TOX: variants seen among roughly 807,000 people sequenced by gnomAD.
TOX encodes thymocyte selection-associated high mobility group box protein TOX.
A neutral mutation model predicts 53.7 loss-of-function variants in TOX; 11 were observed. The observed-to-expected ratio is 0.20, with a 90% confidence interval of 0.13 to 0.34. TOX has a LOEUF of 0.34. Among genes scored for constraint, TOX ranks in the 10% least tolerant of loss-of-function variants. The probability of loss-of-function intolerance (pLI) is 1.00; values close to 1 mark genes in which losing one functional copy is unlikely to be tolerated. For synonymous variants in TOX, 225 were observed against 245.3 expected, an observed-to-expected ratio of 0.92 and a Z score of 0.77; for missense variants, 570 against 664.6, an observed-to-expected ratio of 0.86 and a Z score of 1.56.
chr8:59,057,482 A>G (rs1216900305), intron 1 of TOX, among the ~76,000 whole-genome samples: 6 of 152,192 alleles, frequency 3.9e-5, no homozygotes, highest in African/African-American at 1.4e-4. Context: ...ATTAGTTCCT[A>G]GTATCTGATT....
intron 3 of TOX, among the ~76,000 whole-genome samples, chr8:58,881,080 G>A (rs1006327829): frequency 2.0e-5 from 3 of 151,884 alleles, no homozygotes; most frequent in Admixed American, 6.6e-5. Context: ...GGGGGTGAGC[G>A]GGATTGAGCT....
At chr8:58,946,441 T>G (rs1200758020) in intron 2 of TOX, among the ~76,000 whole-genome samples, 1 of 152,156 alleles carries the variant, frequency 6.6e-6, no homozygotes, top group African/African-American at 2.4e-5. Context: ...TGAACAAGGG[T>G]TGATAGCTTG....
chr8:58,909,449 A>G (rs1238602457), intron 3 of TOX, among the ~76,000 whole-genome samples: 1 of 152,202 alleles, frequency 6.6e-6, no homozygotes, highest in Non-Finnish European at 1.5e-5. Flanking sequence ...CATTTAAACA[A>G]GATCACTTGG....
chr8:58,908,234 T>C (rs921140968), intron 3 of TOX, among the ~76,000 whole-genome samples: 3 of 152,116 alleles, frequency 2.0e-5, no homozygotes, highest in Non-Finnish European at 4.4e-5. Context: ...CATAGAACTG[T>C]ACAGTAATAG....
chr8:58,960,041 T>C (rs1812775578), intron 1 of TOX, 33 bp from the exon 2 acceptor site: 2 of 1,609,686 alleles, frequency 1.2e-6, no homozygotes, highest in Non-Finnish European at 1.7e-6. Flanking sequence ...CATTCAGCAA[T>C]CTTGACTGCG....
chr8:58,949,590 T>C (rs1302018077), intron 2 of TOX, among the ~76,000 whole-genome samples: 1 of 152,126 alleles, frequency 6.6e-6, no homozygotes, highest in Non-Finnish European at 1.5e-5. Context: ...GTTGGGCAGA[T>C]GAGAATCCCA....
At chr8:58,901,671 A>G (rs1347384903) in intron 3 of TOX, among the ~76,000 whole-genome samples, 1 of 152,160 alleles carries the variant, frequency 6.6e-6, no homozygotes, top group Non-Finnish European at 1.5e-5. Flanking sequence ...AATAAATCTA[A>G]AGAAAGAAAG....
chr8:59,005,132 G>A (rs1046078379), intron 1 of TOX, among the ~76,000 whole-genome samples: 2 of 151,778 alleles, frequency 1.3e-5, no homozygotes, highest in Non-Finnish European at 2.9e-5. Context: ...TCTGCCTCCC[G>A]GGTTCACGCC....
intron 1 of TOX, among the ~76,000 whole-genome samples, chr8:59,063,990 A>G (rs141311937): frequency 6.6e-6 from 1 of 152,036 alleles, no homozygotes; most frequent in African/African-American, 2.4e-5. Flanking sequence ...TGTTGTGCTA[A>G]ATGTACTAAA....
chr8:58,892,347 A>AT (rs537422630), intron 3 of TOX, among the ~76,000 whole-genome samples: 2 of 152,074 alleles, frequency 1.3e-5, no homozygotes, highest in Non-Finnish European at 2.9e-5. Context: ...ATGTAGGGAC[A>AT]TTTTTTTCTC....
At chr8:58,850,472 G>A (rs1429780523) in intron 4 of TOX, among the ~76,000 whole-genome samples, 1 of 152,208 alleles carries the variant, frequency 6.6e-6, no homozygotes, top group East Asian at 1.9e-4. Context: ...GCTATGGGCT[G>A]TAAGGAGTGA....
chr8:58,820,290 G>A (rs1049937172), intron 6 of TOX, among the ~76,000 whole-genome samples: 4 of 144,100 alleles, frequency 2.8e-5, no homozygotes, highest in African/African-American at 5.3e-5. Context: ...AAAAAAAAAA[G>A]GTTTCCATTT....
At chr8:59,041,569 A>T (rs778673341) in intron 1 of TOX, among the ~76,000 whole-genome samples, 2 of 152,232 alleles carry the variant, frequency 1.3e-5, no homozygotes, top group Non-Finnish European at 2.9e-5. Flanking sequence ...GGCTAGCACC[A>T]GCCAACCTGA....
At chr8:59,070,178 T>C (rs963729453) in intron 1 of TOX, among the ~76,000 whole-genome samples, 1 of 152,162 alleles carries the variant, frequency 6.6e-6, no homozygotes, top group East Asian at 1.9e-4. Context: ...AGTGAATAAT[T>C]CTCTCACATT....
chr8:59,048,533 A>G (rs1013341118), intron 1 of TOX, among the ~76,000 whole-genome samples: 1 of 152,240 alleles, frequency 6.6e-6, no homozygotes, highest in Non-Finnish European at 1.5e-5. Flanking sequence ...CTTCAAGTTA[A>G]TAGACCTTCC....
At chr8:58,992,060 A>G (rs1813463099) in intron 1 of TOX, 1 of 152,214 alleles carries the variant, frequency 6.6e-6, no homozygotes, top group South Asian at 2.1e-4. Context: ...TCCCTGGGCA[A>G]CCTCAGGCTA....
chr8:59,113,422 G>C lies in TOX; in HGVS notation c.102+5464C>G, dbSNP rs151272159. ...ACTCCACATCATCCATTCAGGTAGG[G>C]GGGATGGGGAAAGGAAAACAGCATA... On this transcript the variant is annotated intron_variant, in intron 1 of 8. Transcript: ENST00000361421. Among the ~76,000 whole-genome samples the C allele has an allele frequency of 5.0e-3, 755 of 152,266 alleles. 8 individuals are homozygous for C. Among genetic ancestry groups the C allele is most frequent in the African/African-American group, 0.017 (727 of 41,554 alleles).
At chr8:58,945,749 T>G (rs1273912607) in intron 2 of TOX, among the ~76,000 whole-genome samples, 3 of 152,218 alleles carry the variant, frequency 2.0e-5, no homozygotes, top group Non-Finnish European at 4.4e-5. Flanking sequence ...GAATTCATGT[T>G]TTCATACGGC....
chr8:59,076,020 G>A (rs310371), intron 1 of TOX, among the ~76,000 whole-genome samples: 74,583 of 115,408 alleles, frequency 0.65, 20,993 homozygotes, highest in South Asian at 0.79. Context: ...AAAAAAAAAA[G>A]GGGGTCAGGA....
Sources: gnomAD v4.1 joint callset for allele counts (sites outside exome capture counted in the v4.1 genomes callset) on GRCh38, gnomAD v4.1.1 for gene constraint, MANE v1.5 for transcripts, NCBI Gene and HGNC (gene_info 2026-07-23, HGNC 2026-07-21) for gene names.